TRPM8: variants seen among roughly 807,000 people sequenced by gnomAD.
TRPM8 encodes transient receptor potential cation channel subfamily M member 8, also known as TRPM8 cationic channel.
Under a neutral mutation model 133.7 loss-of-function variants are expected in TRPM8, and 110 were observed. That is an observed-to-expected ratio of 0.82 (90% confidence interval 0.70 to 0.96). TRPM8 has a LOEUF of 0.96. Among genes scored for constraint, TRPM8 ranks in the 40% least tolerant of loss-of-function variants. The pLI, the probability that TRPM8 is intolerant of heterozygous loss-of-function variation, is 0.00. For missense variants in TRPM8, 1,291 were observed against 1,379.5 expected (o/e 0.94, Z 1.02); for synonymous variants, 535 against 532.3 (o/e 1.01, Z -0.07).
At chr2:233,972,250 T>A (rs1031744546) in intron 17 of TRPM8, among the ~76,000 whole-genome samples, 5 of 152,030 alleles carry the variant, frequency 3.3e-5, no homozygotes, top group African/African-American at 1.2e-4. Flanking sequence ...TGTCGACTGG[T>A]GCATTCACAA....
At chr2:233,996,617 C>A (rs1692410118) in intron 22 of TRPM8, 101 bp downstream of exon 22, 2 of 1,094,900 alleles carry the variant, frequency 1.8e-6, no homozygotes, top group Admixed American at 1.9e-5. Context: ...ATTCACAGAT[C>A]TTTCACTGTT....
In TRPM8 at chr2:233,938,858, A is replaced by T. The variant is rs920081651; in HGVS notation, c.349-140A>T. The T allele has an allele frequency of 2.8e-5, 25 of 882,512 alleles. No individual in the cohort carries two copies. The Admixed American group carries it at 3.1e-4, about 11-fold the overall frequency. 54.7% of individuals were successfully genotyped at this position (882,512 alleles called of 1,614,324 possible). A position where few individuals can be genotyped will look rare whatever the true frequency, so the allele number is the denominator to read the frequency against. ...GCACGGCGCCCGCCTGGGACCCCCA[A>T]TGCCGCGATCCCTGCTGCCCCCACC... On this transcript the variant is annotated intron_variant, in intron 4 of 25. Coordinates refer to ENST00000324695, the MANE Select transcript of TRPM8 (RefSeq NM_024080.5).
rs116044728 is a variant in TRPM8, at chr2:233,931,516, T to C, written c.191+775T>C. 6.7e-3 allele frequency among the ~76,000 whole-genome samples: 1,028 copies of C among 152,328 alleles called. 12 individuals carry two copies. The highest frequency in any genetic ancestry group is 0.023 in the African/African-American group (963 of 41,570). ...AGGATATAGAAATAAGGAAAAAAGC[T>C]TTAGAACCAGCTTTGGTTTCAACCT... is the stretch of plus-strand genomic sequence containing the variant. On this transcript the variant is annotated intron_variant, in intron 3 of 25. Transcript: ENST00000324695.
intron 1 of TRPM8, among the ~76,000 whole-genome samples, chr2:233,922,050 G>A (rs1002067122): frequency 6.6e-6 from 1 of 152,140 alleles, no homozygotes; most frequent in Non-Finnish European, 1.5e-5. Context: ...CTCTAAGGGG[G>A]TTGCTTAACA....
In TRPM8 at chr2:233,960,964, T is replaced by C. The variant is rs1290477014; in HGVS notation, c.1551T>C (p.Asn517=). Residue 517 remains asparagine (N), a synonymous_variant, in exon 12 of 26, where the codon AAT becomes AAC. Transcript: ENST00000324695. ...RNLQIAKNSY[N]DALLTFVWKL... is the part of the protein sequence containing the mutation. The stretch of plus-strand genomic sequence containing the variant: ...TGCAGATCGCCAAGAATTCCTATAA[T>C]GATGCCCTCCTCACGTTTGTCTGGA... 4 of 1,614,078 alleles carry C rather than the reference T, an allele frequency of 2.5e-6. No individual in the cohort carries two copies. Among genetic ancestry groups the C allele is most frequent in the East Asian group, 2.2e-5 (1 of 44,882 alleles).
chr2:233,940,367 C>T (rs1164999921), intron 5 of TRPM8, among the ~76,000 whole-genome samples: 1 of 151,716 alleles, frequency 6.6e-6, no homozygotes, highest in African/African-American at 2.4e-5. Context: ...TCCTTACCAA[C>T]CAGAGGGAAC....
Position 233,964,730 on chromosome 2 carries a change from G to GCTAATGAGTACGAGAC in TRPM8, c.1854_1869dup (p.Arg624Ter). The GCTAATGAGTACGAGAC allele has an allele frequency of 3.7e-6, 6 of 1,612,968 alleles. No individual in the cohort carries two copies. The South Asian group carries it at 6.6e-5, about 18-fold the overall frequency. On this transcript the variant is annotated frameshift_variant, in exon 14 of 26. Coordinates refer to ENST00000324695, the MANE Select transcript of TRPM8 (RefSeq NM_024080.5). LOFTEE classifies it high-confidence loss of function. ...TGCTGCTGGGGAGTCCGAGGAGCTGGCTAATGAGTACGAGACCCGGGCTGT... is the reference window on the plus strand; with the variant it reads ...TGCTGCTGGGGAGTCCGAGGAGCTGGCTAATGAGTACGAGACCTAATGAGTACGAGACCCGGGCTGT...
intron 11 of TRPM8, chr2:233,955,483 T>C (rs1307307071): frequency 2.8e-6 from 1 of 353,414 alleles, no homozygotes; most frequent in Non-Finnish European, 5.2e-6. Context: ...TAAAATAACA[T>C]CAACTCCACA....
At chr2:233,932,020 T>C (rs1172915495) in intron 3 of TRPM8, among the ~76,000 whole-genome samples, 1 of 152,234 alleles carries the variant, frequency 6.6e-6, no homozygotes, top group Non-Finnish European at 1.5e-5. Flanking sequence ...CTGTGCCTTC[T>C]CTATACCGTC....
chr2:233,983,276 C>T, intron 20 of TRPM8, 52 bp downstream of exon 20: 7 of 1,608,602 alleles, frequency 4.4e-6, no homozygotes, highest in Non-Finnish European at 6.0e-6. Context: ...CATTTGCTCC[C>T]TGAACCAACC....
At chr2:233,944,547 C>T (rs778777878) in intron 6 of TRPM8, among the ~76,000 whole-genome samples, 4 of 151,998 alleles carry the variant, frequency 2.6e-5, no homozygotes, top group Non-Finnish European at 5.9e-5. Context: ...AAGAATGTGC[C>T]AATCATTTGG....
At chr2:233,928,204 C>T (rs901710587) in intron 2 of TRPM8, among the ~76,000 whole-genome samples, 4 of 151,914 alleles carry the variant, frequency 2.6e-5, no homozygotes, top group Admixed American at 6.5e-5. Context: ...CTCCTGACCT[C>T]GTGAGCCGCC....
chr2:233,963,307 C>G lies in TRPM8; in HGVS notation c.1679C>G (p.Pro560Arg). ...LHDVSPITRH[P>R]LQALFIWAIL... ...GACGTGTCTCCTATTACTCGGCACC[C>G]CCTGCAAGCTCTCTTCATCTGGGCC... Residue 560 changes from proline to arginine, a missense_variant, in exon 13 of 26, where the codon CCC becomes CGC. Pro to Arg is a moderately radical substitution (Grantham distance 103). Transcript: ENST00000324695. 2 of 1,613,294 alleles carry G rather than the reference C, an allele frequency of 1.2e-6. No individual in the cohort carries two copies. Among genetic ancestry groups the G allele is most frequent in the Non-Finnish European group, 1.7e-6 (2 of 1,179,544 alleles).
intron 21 of TRPM8, among the ~76,000 whole-genome samples, chr2:233,992,296 A>G (rs1443632055): frequency 6.6e-6 from 1 of 151,054 alleles, no homozygotes; most frequent in Non-Finnish European, 1.5e-5. Context: ...CTTCCTAATC[A>G]GAAAAGGATG....
At chr2:233,968,931 G>A (rs192866615) in intron 15 of TRPM8, among the ~76,000 whole-genome samples, 57 of 152,078 alleles carry the variant, frequency 3.7e-4, no homozygotes, top group African/African-American at 1.3e-3. Flanking sequence ...TCTCCCTTCC[G>A]AACTTCCTTT....
chr2:233,920,855 ATTTTT>A (rs10685994), intron 1 of TRPM8, among the ~76,000 whole-genome samples: 1 of 129,290 alleles, frequency 7.7e-6, no homozygotes, highest in African/African-American at 2.9e-5. Context: ...AGATTTCACC[ATTTTT>A]TTTTTTTTTT....
chr2:233,922,091 G>A (rs1691423856), intron 1 of TRPM8, among the ~76,000 whole-genome samples: 1 of 134,144 alleles, frequency 7.5e-6, no homozygotes, highest in South Asian at 2.4e-4. Context: ...AGTCGCAAGG[G>A]TCTCTGTCTC....
intron 24 of TRPM8, among the ~76,000 whole-genome samples, chr2:234,014,342 A>C (rs1692908702): frequency 6.6e-6 from 1 of 152,140 alleles, no homozygotes; most frequent in Non-Finnish European, 1.5e-5. Flanking sequence ...TAATTGGTTT[A>C]CTAATTGGTT....
chr2:233,972,898 G>T (rs1691768028), intron 17 of TRPM8, among the ~76,000 whole-genome samples: 1 of 152,250 alleles, frequency 6.6e-6, no homozygotes, highest in South Asian at 2.1e-4. Flanking sequence ...GCCTTGGCCA[G>T]CCCAGAAAGG....
Sources: gnomAD v4.1 joint callset for allele counts (sites outside exome capture counted in the v4.1 genomes callset) on GRCh38, gnomAD v4.1.1 for gene constraint, MANE v1.5 for transcripts, NCBI Gene and HGNC (gene_info 2026-07-23, HGNC 2026-07-21) for gene names.